The following KLHL18 variants were observed in gnomAD, a reference collection of about 807,000 sequenced individuals.
KLHL18 encodes the protein kelch-like protein 18.
KLHL18 carries 38 observed loss-of-function variants against 58.5 expected under a neutral mutation model. The ratio of observed to expected loss-of-function variants is 0.65; its 90% confidence interval spans 0.50 to 0.85. The LOEUF is 0.85. Among genes scored for constraint, KLHL18 ranks in the 40% least tolerant of loss-of-function variants. The pLI, the probability that KLHL18 is intolerant of heterozygous loss-of-function variation, is 0.00. For synonymous variants in KLHL18, 303 were observed against 301.9 expected (o/e 1.00, Z -0.04); for missense variants, 624 against 778.4 (o/e 0.80, Z 2.36).
chr3:47,310,257 G>A (rs1490372627), intron 1 of KLHL18, among the ~76,000 whole-genome samples: 1 of 152,216 alleles, frequency 6.6e-6, no homozygotes, highest in Non-Finnish European at 1.5e-5. Context: ...AGGTAGCAGA[G>A]CTGGTGAGGG....
At chr3:47,335,048 C>G (rs529327057) in intron 6 of KLHL18, among the ~76,000 whole-genome samples, 1 of 152,332 alleles carries the variant, frequency 6.6e-6, no homozygotes, top group African/African-American at 2.4e-5. Flanking sequence ...GCCTAGCCTT[C>G]TTACCTGACA....
At chr3:47,325,944 TTTTA>T (rs759306972) in intron 3 of KLHL18, among the ~76,000 whole-genome samples, 58 of 151,778 alleles carry the variant, frequency 3.8e-4, no homozygotes, top group Non-Finnish European at 7.4e-4. Flanking sequence ...ATTTTTGTAT[TTTTA>T]TTTATTTATT....
At chr3:47,336,838 G>A (rs1278759988) in intron 7 of KLHL18, 81 bp downstream of exon 7, 15 of 1,119,494 alleles carry the variant, frequency 1.3e-5, no homozygotes, top group Non-Finnish European at 1.6e-5. Context: ...GGGGCACACA[G>A]TAGAGTAAAA....
At chr3:47,283,797 G>C (rs1702562098) in intron 1 of KLHL18, among the ~76,000 whole-genome samples, 1 of 152,188 alleles carries the variant, frequency 6.6e-6, no homozygotes, top group Non-Finnish European at 1.5e-5. Flanking sequence ...CCTGTGCCTG[G>C]GTCTTTTCAT....
chr3:47,316,281 A>G (rs1273731133), intron 1 of KLHL18, among the ~76,000 whole-genome samples: 1 of 151,968 alleles, frequency 6.6e-6, no homozygotes, highest in Non-Finnish European at 1.5e-5. Flanking sequence ...TAGAGAGCAC[A>G]GTTACATACT....
At chr3:47,315,767 C>T (rs1307060987) in intron 1 of KLHL18, among the ~76,000 whole-genome samples, 3 of 147,542 alleles carry the variant, frequency 2.0e-5, no homozygotes, top group Admixed American at 2.0e-4. Flanking sequence ...GAGAAAATAT[C>T]TCAGGAAACA....
intron 1 of KLHL18, among the ~76,000 whole-genome samples, chr3:47,306,027 A>T (rs922980661): frequency 6.6e-6 from 1 of 151,886 alleles, no homozygotes. Flanking sequence ...TTGTTTCATT[A>T]GTTTACTGTT....
At chr3:47,320,906 T>A (rs894498660) in intron 2 of KLHL18, among the ~76,000 whole-genome samples, 5 of 152,096 alleles carry the variant, frequency 3.3e-5, no homozygotes, top group Non-Finnish European at 1.5e-5. Flanking sequence ...GAGTGAGACC[T>A]TGACTCTTGA....
At position 47,322,740 on chromosome 3, in the gene KLHL18, A is replaced by G. The variant is rs373692843; in HGVS notation, c.401+32A>G. 1.6e-5 allele frequency: 24 copies of G among 1,498,100 alleles called. No homozygotes were observed. The African/African-American group carries it at 2.7e-4, about 17-fold the overall frequency. 92.8% of individuals were successfully genotyped at this position (1,498,100 alleles called of 1,614,324 possible). Reference sequence around the variant, plus strand: ...TGATGTGGTGGGCCTGGTGGAGAACATGACTATTTCATTTCTGGAATCTTC... The same window carrying G: ...TGATGTGGTGGGCCTGGTGGAGAACGTGACTATTTCATTTCTGGAATCTTC... On this transcript the variant is annotated intron_variant, in intron 3 of 9. Coordinates refer to ENST00000232766, the MANE Select transcript of KLHL18 (RefSeq NM_025010.5).
intron 1 of KLHL18, among the ~76,000 whole-genome samples, chr3:47,291,892 T>A (rs1428364638): frequency 6.6e-6 from 1 of 152,234 alleles, no homozygotes. Flanking sequence ...ATTTAGCATC[T>A]CATTTGTAAA....
At chr3:47,309,728 G>T (rs1703247308) in intron 1 of KLHL18, among the ~76,000 whole-genome samples, 2 of 152,226 alleles carry the variant, frequency 1.3e-5, no homozygotes, top group African/African-American at 4.8e-5. Flanking sequence ...CTGAGTGAAC[G>T]AGACTCCATC....
intron 2 of KLHL18, 84 bp downstream of exon 2, chr3:47,319,867 C>G: frequency 1.4e-6 from 2 of 1,411,860 alleles, no homozygotes; most frequent in Non-Finnish European, 2.0e-6. Flanking sequence ...GGACCTGCAG[C>G]AGGACACAGT....
chr3:47,322,442 G>A, intron 2 of KLHL18, 126 bp from the exon 3 acceptor site: 1 of 801,496 alleles, frequency 1.2e-6, no homozygotes, highest in Non-Finnish European at 1.7e-6. Flanking sequence ...TGGTGAAGTA[G>A]TTACTCCATT....
chr3:47,342,316 G>A (rs1704127162), intron 8 of KLHL18, among the ~76,000 whole-genome samples: 1 of 152,140 alleles, frequency 6.6e-6, no homozygotes, highest in South Asian at 2.1e-4. Context: ...AGCAAGCACT[G>A]ACTAGGAAGC....
chr3:47,297,863 T>G (rs949114882), intron 1 of KLHL18, among the ~76,000 whole-genome samples: 3 of 152,066 alleles, frequency 2.0e-5, no homozygotes, highest in Non-Finnish European at 4.4e-5. Flanking sequence ...GACAATATAA[T>G]GTGTGCTGTA....
chr3:47,288,530 T>C (rs924810313), intron 1 of KLHL18, among the ~76,000 whole-genome samples: 3 of 152,336 alleles, frequency 2.0e-5, no homozygotes, highest in Middle Eastern at 3.4e-3. Context: ...TCTTCCTGAA[T>C]TTTAGGGAGA....
At chr3:47,342,934 AAAGT>A in intron 9 of KLHL18, 104 bp downstream of exon 9, 2 of 829,776 alleles carry the variant, frequency 2.4e-6, no homozygotes, top group Non-Finnish European at 4.0e-6. Flanking sequence ...ACAGCTGAAT[AAAGT>A]ATCATCTAGT....
At chr3:47,331,934 C>T (rs985653363) in intron 4 of KLHL18, among the ~76,000 whole-genome samples, 50 of 152,150 alleles carry the variant, frequency 3.3e-4, no homozygotes, top group South Asian at 2.1e-4. Flanking sequence ...TCCATATCCA[C>T]AGTAGCAGGA....
intron 1 of KLHL18, among the ~76,000 whole-genome samples, chr3:47,308,537 C>T (rs567075935): frequency 3.2e-4 from 49 of 152,266 alleles, no homozygotes; most frequent in Admixed American, 1.0e-3. Flanking sequence ...ACTACAGGTG[C>T]ATGCCACCAC....
Sources: allele counts gnomAD v4.1 joint callset (sites outside exome capture counted in the v4.1 genomes callset), GRCh38; gene constraint gnomAD v4.1.1; transcripts MANE v1.5; gene names NCBI Gene and HGNC (gene_info 2026-07-23, HGNC 2026-07-21).